SCYL2: variants seen among roughly 807,000 people sequenced by gnomAD.
The protein encoded by SCYL2 is SCY1 like pseudokinase 2, also known as SCY1-like protein 2.
SCYL2 carries 36 observed loss-of-function variants against 100.4 expected under a neutral mutation model. The ratio of observed to expected loss-of-function variants is 0.36; its 90% CI spans 0.27 to 0.47. SCYL2 has a LOEUF of 0.47. Ranked by LOEUF, SCYL2 falls within the 20% of genes least tolerant of loss-of-function variation. SCYL2 has a pLI of 1.00. For missense variants in SCYL2, 902 were observed against 1,083.9 expected (o/e 0.83, Z 2.36); for synonymous variants, 330 against 359.2 (o/e 0.92, Z 0.92).
chr12:100,329,071 T>G, intron 12 of SCYL2, 130 bp from the exon 13 acceptor site: 1 of 562,944 alleles, frequency 1.8e-6, no homozygotes, highest in Non-Finnish European at 3.2e-6. Flanking sequence ...ACATCATTAT[T>G]CTAGGCATTG....
Position 100,312,354 on chromosome 12 carries a change from T to G in SCYL2, c.631-78T>G, listed in dbSNP as rs1213426138. ...TTTACTTGCATGACCGAGTAGAAAT[T>G]TAAAGATAGATTACTACTGCTTGAT... On this transcript the variant is annotated intron_variant, in intron 5 of 17. Transcript: ENST00000360820. The G allele has an allele frequency of 3.7e-6, 4 of 1,089,154 alleles. No individual in the cohort carries two copies. In the East Asian group the frequency reaches 9.8e-5, roughly 27 times the overall value. The allele number at this position is 1,089,154 out of a possible 1,614,324, so 67.5% of individuals were successfully genotyped here. A position where few individuals can be genotyped will look rare whatever the true frequency, so the allele number is the denominator to read the frequency against.
intron 2 of SCYL2, among the ~76,000 whole-genome samples, chr12:100,285,426 A>G (rs2096303456): frequency 6.6e-6 from 1 of 152,272 alleles, no homozygotes; most frequent in Non-Finnish European, 1.5e-5. Context: ...CCATTGGCAC[A>G]TATGACGCAT....
At chr12:100,281,196 T>C (rs758878211) in intron 1 of SCYL2, among the ~76,000 whole-genome samples, 3 of 151,912 alleles carry the variant, frequency 2.0e-5, no homozygotes, top group Non-Finnish European at 2.9e-5. Context: ...TCCTGGCTAA[T>C]TTTCGAATTT....
Position 100,339,690 on chromosome 12 carries a change from T to A in SCYL2, c.*518T>A, listed in dbSNP as rs1299850353. On this transcript the variant is annotated 3_prime_UTR_variant, in exon 18 of 18. Coordinates refer to ENST00000360820, the MANE Select transcript of SCYL2 (RefSeq NM_017988.6). Reference sequence around the variant, plus strand: ...TAAAGAGAAGTATCAGGTTATTTGCTTTTTCCAAACTTTTCAGATGAACTA... The same window carrying A: ...TAAAGAGAAGTATCAGGTTATTTGCATTTTCCAAACTTTTCAGATGAACTA... The A allele has an allele frequency of 6.5e-6, 1 of 153,568 alleles. No individual in the cohort carries two copies. The highest frequency in any genetic ancestry group is 1.5e-5 in the Non-Finnish European group (1 of 68,908). 9.5% of individuals were successfully genotyped at this position (153,568 alleles called of 1,614,324 possible). A position where few individuals can be genotyped will look rare whatever the true frequency, so the allele number is the denominator to read the frequency against.
At chr12:100,295,703 G>T (rs1228009454) in intron 3 of SCYL2, among the ~76,000 whole-genome samples, 1 of 152,058 alleles carries the variant, frequency 6.6e-6, no homozygotes, top group Non-Finnish European at 1.5e-5. Flanking sequence ...CAGAGGGAGA[G>T]GGAGACCGTG....
chr12:100,270,146 C>T (rs1254196110), intron 1 of SCYL2, among the ~76,000 whole-genome samples: 3 of 152,040 alleles, frequency 2.0e-5, no homozygotes, highest in Non-Finnish European at 2.9e-5. Flanking sequence ...ACCACCAGGC[C>T]TGGCTAATTT....
At chr12:100,292,834 C>G (rs908655589) in intron 3 of SCYL2, among the ~76,000 whole-genome samples, 2 of 152,034 alleles carry the variant, frequency 1.3e-5, no homozygotes, top group African/African-American at 4.8e-5. Context: ...GTTGATTGAT[C>G]GAGACAAGAG....
At chr12:100,290,137 G>A (rs1007036234) in intron 2 of SCYL2, among the ~76,000 whole-genome samples, 2 of 152,244 alleles carry the variant, frequency 1.3e-5, no homozygotes, top group Admixed American at 6.5e-5. Flanking sequence ...GGTCCTTTGA[G>A]GTATTCATAC....
intron 4 of SCYL2, among the ~76,000 whole-genome samples, chr12:100,303,908 G>A (rs1346538124): frequency 2.6e-5 from 4 of 152,336 alleles, no homozygotes; most frequent in Middle Eastern, 3.4e-3. Flanking sequence ...GGAGTTTTAT[G>A]TATAAACCCC....
intron 1 of SCYL2, among the ~76,000 whole-genome samples, chr12:100,277,222 T>C (rs1005841794): frequency 1.3e-5 from 2 of 152,256 alleles, no homozygotes; most frequent in African/African-American, 4.8e-5. Flanking sequence ...GAATGTTACA[T>C]GTCTGCATGA....
chr12:100,308,889 C>G (rs1333531629), intron 4 of SCYL2, among the ~76,000 whole-genome samples: 1 of 152,044 alleles, frequency 6.6e-6, no homozygotes, highest in Non-Finnish European at 1.5e-5. Flanking sequence ...GCACTGAGAT[C>G]AATATAAAGT....
At chr12:100,330,828 T>A (rs76585025) in intron 13 of SCYL2, among the ~76,000 whole-genome samples, 1 of 147,906 alleles carries the variant, frequency 6.8e-6, no homozygotes, top group African/African-American at 2.6e-5. Context: ...TTAATTTTTT[T>A]TCTTTTTTTT....
At chr12:100,310,239 G>C (rs974971966) in intron 4 of SCYL2, among the ~76,000 whole-genome samples, 3 of 152,088 alleles carry the variant, frequency 2.0e-5, no homozygotes, top group African/African-American at 7.2e-5. Flanking sequence ...CCTGTGATCC[G>C]CCTGCCTCGG....
chr12:100,324,630 A>C (rs1279216976), intron 11 of SCYL2, among the ~76,000 whole-genome samples: 2 of 152,212 alleles, frequency 1.3e-5, no homozygotes, highest in Non-Finnish European at 2.9e-5. Flanking sequence ...AAAGTAGAAA[A>C]AGAAATCATT....
rs894942101 is a variant in SCYL2 at position 100,341,360 on chromosome 12, C to A, written c.*2188C>A. ...TTCACGTACTGAAGACAATTAAGTC[C>A]GTTATGTTTAGAGTAGAAAATGTTT... On this transcript the variant is annotated 3_prime_UTR_variant, in exon 18 of 18. Coordinates refer to ENST00000360820, the MANE Select transcript of SCYL2 (RefSeq NM_017988.6). 6.6e-6 allele frequency: 1 copy of A among 151,974 alleles called. No homozygotes were observed. The highest frequency in any genetic ancestry group is 6.6e-5 in the Admixed American group (1 of 15,260). 9.4% of individuals were successfully genotyped at this position (151,974 alleles called of 1,614,324 possible).
rs1275486878 is a variant in SCYL2, at chr12:100,277,249, G to A, written c.-28-5694G>A. On this transcript the variant is annotated intron_variant, in intron 1 of 17. Coordinates refer to ENST00000360820, the MANE Select transcript of SCYL2 (RefSeq NM_017988.6). ...TCTGCATGAAAACAATTTGTCATTT[G>A]TAGAGTGTGTGTTTTAGGTCAGGTT... Among the ~76,000 whole-genome samples, 3 of 152,200 alleles carry A rather than the reference G, an allele frequency of 2.0e-5. No homozygotes were observed. The East Asian group carries it at 5.8e-4, about 29-fold the overall frequency.
At chr12:100,335,972 A>C in intron 16 of SCYL2, 66 bp downstream of exon 16, 1 of 1,174,864 alleles carries the variant, frequency 8.5e-7, no homozygotes. Flanking sequence ...TAAACCACAG[A>C]TTTTTGTTGG....
chr12:100,320,549 A>AAAATAAATAAAT lies in SCYL2; in HGVS notation c.1395+2660_1395+2671dup, dbSNP rs10644195. Among the ~76,000 whole-genome samples the AAAATAAATAAAT allele has an allele frequency of 4.7e-3, 662 of 139,802 alleles. 6 individuals are homozygous for AAAATAAATAAAT. Among genetic ancestry groups the AAAATAAATAAAT allele is most frequent in the East Asian group, 0.014 (66 of 4,632 alleles). The allele number at this position is 139,802 out of a possible 152,430, so 91.7% of individuals were successfully genotyped here. On this transcript the variant is annotated intron_variant, in intron 10 of 17. Coordinates refer to ENST00000360820, the MANE Select transcript of SCYL2 (RefSeq NM_017988.6). ...GGCGACAGAGTGAGACTCCGTCTCA[A>AAAATAAATAAAT]AAATAAATAAATAAATAAATAAATA...
chr12:100,275,737 G>A (rs1392079556), intron 1 of SCYL2, among the ~76,000 whole-genome samples: 1 of 152,154 alleles, frequency 6.6e-6, no homozygotes, highest in African/African-American at 2.4e-5. Flanking sequence ...GTAAAAGTGG[G>A]TATACTTACC....
Sources: allele counts gnomAD v4.1 joint callset (sites outside exome capture counted in the v4.1 genomes callset), GRCh38; gene constraint gnomAD v4.1.1; transcripts MANE v1.5; gene names NCBI Gene and HGNC (gene_info 2026-07-23, HGNC 2026-07-21).